The following ANGPT4 variants were observed in gnomAD, a reference collection of about 807,000 sequenced individuals.
The protein encoded by ANGPT4 is angiopoietin-4.
In ANGPT4, 50 loss-of-function variants were observed where a neutral mutation model predicts 53.0. That is an observed-to-expected ratio of 0.94 (90% CI 0.75 to 1.20). ANGPT4 has a LOEUF of 1.20. Among genes scored for constraint, ANGPT4 ranks in the 50% most tolerant of loss-of-function variants. ANGPT4 has a pLI of 0.00. For synonymous variants in ANGPT4, 251 were observed against 259.7 expected (o/e 0.97, Z 0.32); for missense variants, 648 against 637.1 (o/e 1.02, Z -0.18).
At chr20:878,060 C>A in intron 7 of ANGPT4, 101 bp downstream of exon 7, 1 of 1,338,160 alleles carries the variant, frequency 7.5e-7, no homozygotes, top group Non-Finnish European at 1.0e-6. Flanking sequence ...CACCCAGAGA[C>A]TGACCGTTGG....
At chr20:890,510 T>C in intron 1 of ANGPT4, 142 bp from the exon 2 acceptor site, 1 of 719,186 alleles carries the variant, frequency 1.4e-6, no homozygotes, top group Non-Finnish European at 2.3e-6. Context: ...CAGGCCACCA[T>C]TACGTCTTGC....
rs997075423 is a variant in ANGPT4, at chr20:914,766, G to A, written c.309+1140C>T. 6.6e-6 allele frequency among the ~76,000 whole-genome samples: 1 copy of A among 152,082 alleles called. No homozygotes were observed. Among genetic ancestry groups the A allele is most frequent in the African/African-American group, 2.4e-5 (1 of 41,388 alleles). ...AGTCCCATCTCAGACCCCCCAGGAT[G>A]TCTCCTGTACCCTCATGCCCCGCCA... On this transcript the variant is annotated intron_variant, in intron 1 of 8. Transcript: ENST00000381922. This position sits in a 1 kb window ranked among gnomAD's most constrained non-coding sequence, Gnocchi z 5.0.
At chr20:890,423 C>T in intron 1 of ANGPT4, 55 bp from the exon 2 acceptor site, 3 of 1,531,702 alleles carry the variant, frequency 2.0e-6, no homozygotes, top group Middle Eastern at 2.3e-4. Context: ...AGCCCCCTGT[C>T]CCTCCCACGT....
Position 885,324 on chromosome 20 carries a change from C to T in ANGPT4, c.589G>A (p.Ala197Thr). The T allele has an allele frequency of 6.3e-7, 1 of 1,578,824 alleles. No individual in the cohort carries two copies. Among genetic ancestry groups the T allele is most frequent in the East Asian group, 2.3e-5 (1 of 43,986 alleles). The change falls in exon 4 of 9, where the codon GCG becomes ACG. Residue 197 changes from alanine (A) to threonine (T), a missense_variant and splice_region_variant. Ala to Thr is a moderately conservative substitution (Grantham distance 58). Transcript: ENST00000381922. Reference protein sequence around the residue: ...KLQQLQGQNSALEKRLQALET... With the variant: ...KLQQLQGQNSTLEKRLQALET... ...AGGGCCTGCAACCGCTTCTCGAGCG[C>T]GCTGCGGGGTAGGGGGCGCACAGAG...
intron 1 of ANGPT4, among the ~76,000 whole-genome samples, chr20:898,362 G>A (rs769132618): frequency 1.1e-4 from 16 of 152,206 alleles, no homozygotes; most frequent in Non-Finnish European, 2.2e-4. Context: ...GGCTTGAGCT[G>A]AAGGCACAGT....
intron 1 of ANGPT4, among the ~76,000 whole-genome samples, chr20:913,723 AT>A (rs1179408846): frequency 6.6e-6 from 1 of 152,240 alleles, no homozygotes; most frequent in African/African-American, 2.4e-5. Flanking sequence ...TGATGACAGC[AT>A]CCTGGGAAAG....
chr20:909,154 A>G (rs73892538), intron 1 of ANGPT4, among the ~76,000 whole-genome samples: 7,257 of 152,160 alleles, frequency 0.048, 480 homozygotes, highest in African/African-American at 0.15. Context: ...ATAAATGGGG[A>G]TCATAACAGT....
In ANGPT4 at chr20:885,278, T is replaced by A. The variant is rs757681930; in HGVS notation, c.635A>T (p.Glu212Val). The stretch of plus-strand genomic sequence containing the variant: ...CTTCTTGCTGAGGATGCTGGCCAGC[T>A]CCTCCTGCTGCTTGGTCTCCAGGGC... Reference protein sequence around the residue: ...LQALETKQQEELASILSKKAK... With the variant: ...LQALETKQQEVLASILSKKAK... The change falls in exon 4 of 9, where the codon GAG becomes GTG. Residue 212 changes from glutamate to valine, a missense_variant. Coordinates refer to ENST00000381922, the MANE Select transcript of ANGPT4 (RefSeq NM_015985.4). 10 of 1,582,988 alleles carry A rather than the reference T, an allele frequency of 6.3e-6. No individual in the cohort carries two copies. The Admixed American group carries it at 1.4e-4, about 22-fold the overall frequency.
In ANGPT4 at chr20:885,301, G is replaced by A; in HGVS notation, c.612C>T (p.Ala204=). 6.3e-7 allele frequency: 1 copy of A among 1,585,048 alleles called. No individual in the cohort carries two copies. Among genetic ancestry groups the A allele is most frequent in the Non-Finnish European group, 8.6e-7 (1 of 1,169,182 alleles). ...QNSALEKRLQ[A]LETKQQEELA... is the part of the protein sequence containing the mutation. ...GCTCCTCCTGCTGCTTGGTCTCCAG[G>A]GCCTGCAACCGCTTCTCGAGCGCGC... Residue 204 remains alanine, a synonymous_variant, in exon 4 of 9, where the codon GCC becomes GCT. Transcript: ENST00000381922.
intron 1 of ANGPT4, among the ~76,000 whole-genome samples, chr20:895,084 C>T (rs1981991409): frequency 6.6e-6 from 1 of 152,186 alleles, no homozygotes; most frequent in Non-Finnish European, 1.5e-5. Flanking sequence ...TAATATTGGC[C>T]TGGGTGGTGG....
intron 4 of ANGPT4, among the ~76,000 whole-genome samples, chr20:883,925 C>T (rs1981506221): frequency 6.6e-6 from 1 of 152,210 alleles, no homozygotes; most frequent in Non-Finnish European, 1.5e-5. Flanking sequence ...CTTCCTTAGG[C>T]CTCAAACCCC....
rs528197475 is a variant in ANGPT4 at position 895,339 on chromosome 20, T to G, written c.310-4971A>C. Among the ~76,000 whole-genome samples, 4 of 152,254 alleles carry G rather than the reference T, an allele frequency of 2.6e-5. No individual in the cohort carries two copies. In the South Asian group the frequency reaches 6.2e-4, roughly 24 times the overall value. On this transcript the variant is annotated intron_variant, in intron 1 of 8. Coordinates refer to ENST00000381922, the MANE Select transcript of ANGPT4 (RefSeq NM_015985.4). ...TCACCCTTCCAGCTGGCAAAGAGAC[T>G]GAGTTTTGGTCCCTGGTCTACTGCC...
At chr20:900,690 C>T (rs1982251331) in intron 1 of ANGPT4, among the ~76,000 whole-genome samples, 1 of 152,130 alleles carries the variant, frequency 6.6e-6, no homozygotes, top group African/African-American at 2.4e-5. Context: ...AAGGAGGACT[C>T]TGAATATTTC....
chr20:883,489 A>G (rs906372097), intron 4 of ANGPT4, among the ~76,000 whole-genome samples: 1 of 152,120 alleles, frequency 6.6e-6, no homozygotes, highest in African/African-American at 2.4e-5. Context: ...TTCCTGCTAG[A>G]CTTCAAGGAT....
chr20:901,482 C>G (rs1036158006), intron 1 of ANGPT4, among the ~76,000 whole-genome samples: 3 of 152,178 alleles, frequency 2.0e-5, no homozygotes, highest in Admixed American at 1.3e-4. Context: ...CTGCCCCACC[C>G]CATCTCCCTT....
chr20:887,680 G>T (rs1007058134), intron 3 of ANGPT4, among the ~76,000 whole-genome samples: 1 of 144,068 alleles, frequency 6.9e-6, no homozygotes, highest in African/African-American at 2.6e-5. Context: ...TTCCCCTGAT[G>T]CCCATTTGCT....
chr20:915,865 A>G, intron 1 of ANGPT4, 41 bp downstream of exon 1: 2 of 1,527,012 alleles, frequency 1.3e-6, no homozygotes, highest in Non-Finnish European at 1.8e-6. Flanking sequence ...ACAGACCCCA[A>G]AGCCGCCCTC....
chr20:911,009 C>A lies in ANGPT4; in HGVS notation c.309+4897G>T, dbSNP rs1305244370. ...AGCAGTGAGGTTAGGAAATCAAACC[C>A]CAAGATATTTTGTTCGGCACCGAGA... On this transcript the variant is annotated intron_variant, in intron 1 of 8. Coordinates refer to ENST00000381922, the MANE Select transcript of ANGPT4 (RefSeq NM_015985.4). This position sits in a 1 kb window ranked among gnomAD's most constrained non-coding sequence, Gnocchi z 4.9. Among the ~76,000 whole-genome samples, 1 of 152,078 alleles carries A rather than the reference C, an allele frequency of 6.6e-6. No homozygotes were observed. The highest frequency in any genetic ancestry group is 1.9e-4 in the East Asian group (1 of 5,190).
chr20:880,262 AC>A (rs1416297445), intron 5 of ANGPT4, among the ~76,000 whole-genome samples: 1 of 152,124 alleles, frequency 6.6e-6, no homozygotes, highest in Non-Finnish European at 1.5e-5. Context: ...GTAAAAGACA[AC>A]CTGGAGACAA....
Sources: allele counts gnomAD v4.1 joint callset (sites outside exome capture counted in the v4.1 genomes callset), GRCh38; gene constraint gnomAD v4.1.1; non-coding constraint Gnocchi (gnomAD v3.1); transcripts MANE v1.5; gene names NCBI Gene and HGNC (gene_info 2026-07-23, HGNC 2026-07-21).